The following NR2C2 variants were observed in gnomAD, a reference collection of about 807,000 sequenced individuals.
NR2C2 encodes the protein nuclear receptor subfamily 2 group C member 2, also known as Nuclear hormone receptor TR4.
Under a neutral mutation model 62.9 loss-of-function variants are expected in NR2C2, and 6 were observed. The observed-to-expected ratio is 0.10, with a 90% CI of 0.05 to 0.19. NR2C2 has a LOEUF of 0.19. Among genes scored for constraint, NR2C2 ranks in the 10% least tolerant of loss-of-function variants. The probability of loss-of-function intolerance (pLI) is 1.00; values close to 1 mark genes in which losing one functional copy is unlikely to be tolerated. For missense variants in NR2C2, 479 were observed against 762.7 expected, an observed-to-expected ratio of 0.63 and a Z score of 4.38; for synonymous variants, 272 against 273.8, an observed-to-expected ratio of 0.99 and a Z score of 0.07.
intron 1 of NR2C2, among the ~76,000 whole-genome samples, chr3:14,974,482 G>A (rs1430198431): frequency 6.6e-6 from 1 of 152,058 alleles, no homozygotes; most frequent in African/African-American, 2.4e-5. Context: ...GGATAGTGTT[G>A]ACTTCATAAC....
chr3:14,990,001 G>A (rs2040624536), intron 1 of NR2C2, among the ~76,000 whole-genome samples: 1 of 151,758 alleles, frequency 6.6e-6, no homozygotes. Context: ...ACTCTGAGAG[G>A]CTGAGGCAGG....
rs1341304208 is a variant in NR2C2 at position 15,043,109 on chromosome 3, G to A, written c.*101G>A. On this transcript the variant is annotated 3_prime_UTR_variant, in exon 14 of 14. Transcript: ENST00000425241. ...TTGGTATGTGCAAATATTTCCATAT[G>A]TTAGCCATTTCCTGTCTGGTTTCTC... 5 of 1,133,396 alleles carry A rather than the reference G, an allele frequency of 4.4e-6. No individual in the cohort carries two copies. The highest frequency in any genetic ancestry group is 6.0e-6 in the Non-Finnish European group (5 of 833,852). 70.2% of individuals were successfully genotyped at this position (1,133,396 alleles called of 1,614,324 possible). A position where few individuals can be genotyped will look rare whatever the true frequency, so the allele number is the denominator to read the frequency against.
chr3:14,962,043 T>C (rs780557603), intron 1 of NR2C2, among the ~76,000 whole-genome samples: 3 of 152,198 alleles, frequency 2.0e-5, no homozygotes, highest in Non-Finnish European at 4.4e-5. Flanking sequence ...CTTTCTCAGA[T>C]ACCCACCTTC....
intron 1 of NR2C2, chr3:14,948,382 G>A (rs2039209249): frequency 6.6e-6 from 1 of 152,380 alleles, no homozygotes; most frequent in Non-Finnish European, 1.5e-5. Flanking sequence ...GAGGGTAAAA[G>A]AAAAGGAGGA....
In NR2C2 at chr3:15,035,363, G is replaced by A. The variant is rs1453963057; in HGVS notation, c.1372+554G>A. Reference sequence around the variant, plus strand: ...TTCTGCCAGACTGCCCTCTTCATACGATTAATATGAAGAAAAAAATGGAAA... The same window carrying A: ...TTCTGCCAGACTGCCCTCTTCATACAATTAATATGAAGAAAAAAATGGAAA... On this transcript the variant is annotated intron_variant, in intron 11 of 13. Transcript: ENST00000425241. Among the ~76,000 whole-genome samples the A allele has an allele frequency of 3.9e-5, 6 of 152,320 alleles. No individual in the cohort carries two copies. The East Asian group carries it at 7.7e-4, about 20-fold the overall frequency.
intron 13 of NR2C2, among the ~76,000 whole-genome samples, chr3:15,041,530 G>A (rs1368525352): frequency 1.3e-5 from 2 of 152,082 alleles, no homozygotes; most frequent in East Asian, 3.9e-4. Flanking sequence ...GTTCTAGAAA[G>A]GAAAAAGGAA....
intron 1 of NR2C2, among the ~76,000 whole-genome samples, chr3:14,968,725 G>C (rs919510022): frequency 7.0e-6 from 1 of 142,240 alleles, no homozygotes; most frequent in Non-Finnish European, 1.5e-5. Context: ...GCAAAGACTT[G>C]GACCCAACCC....
chr3:15,029,032 G>A (rs763118352), intron 8 of NR2C2, among the ~76,000 whole-genome samples: 5 of 151,872 alleles, frequency 3.3e-5, no homozygotes, highest in African/African-American at 4.8e-5. Flanking sequence ...GTTTAATAAT[G>A]CGTCTGCATA....
At position 15,038,022 on chromosome 3, in the gene NR2C2, A is replaced by G. The variant is rs769828939; in HGVS notation, c.1395A>G (p.Ile465Met). 1 of 1,613,836 alleles carries G rather than the reference A, an allele frequency of 6.2e-7. No homozygotes were observed. The change falls in exon 12 of 14, where the codon ATA (isoleucine) becomes ATG (methionine). Residue 465 changes from isoleucine (I) to methionine (M), a missense_variant. Ile to Met is a conservative substitution (Grantham distance 10, BLOSUM62 1). Transcript: ENST00000425241. ...IQEDKLSGDR[I>M]KQVMEHIWKL... Reference sequence around the variant, plus strand: ...TAGATAAACTTTCTGGTGACCGGATAAAGCAAGTCATGGAGCACATCTGGA... The same window carrying G: ...TAGATAAACTTTCTGGTGACCGGATGAAGCAAGTCATGGAGCACATCTGGA...
chr3:15,039,096 G>C (rs770421128), intron 12 of NR2C2, 26 bp from the exon 13 acceptor site: 9 of 1,123,046 alleles, frequency 8.0e-6, no homozygotes, highest in East Asian at 2.9e-5. Context: ...AGAGGGAACT[G>C]GGGGGGGGTA....
intron 1 of NR2C2, among the ~76,000 whole-genome samples, chr3:14,962,845 G>T (rs185073619): frequency 9.5e-4 from 145 of 152,244 alleles, no homozygotes; most frequent in Admixed American, 1.8e-3. Flanking sequence ...AATAGTAGAA[G>T]ACGTGATTAT....
rs985323847 is a variant in NR2C2 at position 15,039,324 on chromosome 3, T to C, written c.1616+97T>C. 3 of 799,252 alleles carry C rather than the reference T, an allele frequency of 3.8e-6. No individual in the cohort carries two copies. In the African/African-American group the frequency reaches 5.2e-5, roughly 14 times the overall value. 49.5% of individuals were successfully genotyped at this position (799,252 alleles called of 1,614,324 possible). A position where few individuals can be genotyped will look rare whatever the true frequency, so the allele number is the denominator to read the frequency against. Reference sequence around the variant, plus strand: ...TAAATTATGTTAACCTTTCCATTTTTAGCAGCCTGATAGAGCCTCCATTGG... The same window carrying C: ...TAAATTATGTTAACCTTTCCATTTTCAGCAGCCTGATAGAGCCTCCATTGG... On this transcript the variant is annotated intron_variant, in intron 13 of 13. Coordinates refer to ENST00000425241, the MANE Select transcript of NR2C2 (RefSeq NM_001291694.2).
intron 2 of NR2C2, among the ~76,000 whole-genome samples, chr3:15,010,686 T>G (rs1196267166): frequency 6.7e-6 from 1 of 148,358 alleles, no homozygotes; most frequent in East Asian, 2.0e-4. Context: ...CACTCCAATG[T>G]GGGTAACAGA....
intron 1 of NR2C2, among the ~76,000 whole-genome samples, chr3:14,969,926 C>T (rs1409836860): frequency 1.3e-5 from 2 of 152,148 alleles, no homozygotes; most frequent in Non-Finnish European, 2.9e-5. Context: ...TTGGCAAGGC[C>T]GTGTCCTCAA....
chr3:15,003,499 C>T (rs1225796737), intron 1 of NR2C2, among the ~76,000 whole-genome samples: 1 of 152,072 alleles, frequency 6.6e-6, no homozygotes, highest in Non-Finnish European at 1.5e-5. Flanking sequence ...TTGTGAGAGC[C>T]TTTCTCGGGA....
intron 4 of NR2C2, among the ~76,000 whole-genome samples, chr3:15,020,431 C>T (rs758044485): frequency 1.2e-4 from 18 of 152,338 alleles, no homozygotes; most frequent in South Asian, 2.1e-4. Context: ...AGAGTTCAGC[C>T]GTCACCTGTG....
rs138367255 is a variant in NR2C2, at chr3:14,969,891, C to G, written c.-40+21985C>G. Among the ~76,000 whole-genome samples, 31 of 152,250 alleles carry G rather than the reference C, an allele frequency of 2.0e-4. 1 individual carries two copies. In the East Asian group the frequency reaches 5.8e-3, roughly 28 times the overall value. On this transcript the variant is annotated intron_variant, in intron 1 of 13. Coordinates refer to ENST00000425241, the MANE Select transcript of NR2C2 (RefSeq NM_001291694.2). ...GGAATGTTTAAAAACATAGAGCTCT[C>G]CCAGTTGTTGAACAAAATGCAGTAT...
chr3:15,011,407 C>T (rs2041349012), intron 2 of NR2C2, among the ~76,000 whole-genome samples: 1 of 152,160 alleles, frequency 6.6e-6, no homozygotes, highest in Admixed American at 6.5e-5. Context: ...TTCCAAAGGC[C>T]ATCTTCTTTA....
intron 3 of NR2C2, among the ~76,000 whole-genome samples, chr3:15,015,239 T>C (rs975942786): frequency 6.6e-6 from 1 of 152,224 alleles, no homozygotes; most frequent in African/African-American, 2.4e-5. Flanking sequence ...CATGTATAAA[T>C]CATTTTAAGG....
Sources: allele counts gnomAD v4.1 joint callset (sites outside exome capture counted in the v4.1 genomes callset), GRCh38; gene constraint gnomAD v4.1.1; transcripts MANE v1.5; gene names NCBI Gene and HGNC (gene_info 2026-07-23, HGNC 2026-07-21).